The following SPAG16 variants were observed in gnomAD, a reference collection of about 807,000 sequenced individuals.
SPAG16 encodes the protein sperm associated antigen 16.
Under a neutral mutation model 80.4 loss-of-function variants are expected in SPAG16, and 86 were observed. The observed-to-expected ratio is 1.07, with a 90% CI of 0.90 to 1.28. SPAG16 has a LOEUF of 1.28. Among genes scored for constraint, SPAG16 ranks in the 50% most tolerant of loss-of-function variants. The pLI is 0.00. For missense variants in SPAG16, 870 were observed against 765.3 expected, an observed-to-expected ratio of 1.14 and a Z score of -1.61; for synonymous variants, 294 against 265.9, an observed-to-expected ratio of 1.11 and a Z score of -1.03.
chr2:213,341,070 G>A (rs73987995), intron 6 of SPAG16, among the ~76,000 whole-genome samples: 153 of 151,618 alleles, frequency 1.0e-3, no homozygotes, highest in African/African-American at 3.0e-3. Flanking sequence ...TGTTTTTTTC[G>A]TATTTCATTA....
chr2:214,377,782 C>A (rs1010085303), intron 15 of SPAG16, among the ~76,000 whole-genome samples: 1 of 152,166 alleles, frequency 6.6e-6, no homozygotes, highest in Non-Finnish European at 1.5e-5. Context: ...CCACAAAGAT[C>A]TCTCTTAGGA....
At chr2:213,410,215 T>C (rs1233245919) in intron 9 of SPAG16, among the ~76,000 whole-genome samples, 5 of 152,262 alleles carry the variant, frequency 3.3e-5, no homozygotes, top group Non-Finnish European at 7.3e-5. Context: ...TCTATTCTAT[T>C]ACTCTTTATT....
intron 15 of SPAG16, among the ~76,000 whole-genome samples, chr2:214,216,115 A>T (rs1350736752): frequency 6.6e-6 from 1 of 152,228 alleles, no homozygotes; most frequent in Non-Finnish European, 1.5e-5. Context: ...TGGTAGAATA[A>T]TGACAGAAGG....
At chr2:213,399,086 C>T (rs920752302) in intron 9 of SPAG16, among the ~76,000 whole-genome samples, 3 of 151,862 alleles carry the variant, frequency 2.0e-5, no homozygotes, top group African/African-American at 7.3e-5. Flanking sequence ...ATAGTTGTGA[C>T]TTTCATTTTT....
chr2:214,016,622 G>C (rs1343925412), intron 13 of SPAG16, among the ~76,000 whole-genome samples: 1 of 152,176 alleles, frequency 6.6e-6, no homozygotes, highest in Non-Finnish European at 1.5e-5. Context: ...GTTCAGATAG[G>C]AGACAGCATG....
intron 13 of SPAG16, among the ~76,000 whole-genome samples, chr2:214,087,342 T>C (rs183538429): frequency 7.6e-4 from 116 of 152,294 alleles, no homozygotes; most frequent in African/African-American, 2.6e-3. Flanking sequence ...CATTCAATTC[T>C]TCATTTTTTA....
intron 12 of SPAG16, among the ~76,000 whole-genome samples, chr2:213,934,678 T>C (rs2078912735): frequency 6.6e-6 from 1 of 152,216 alleles, no homozygotes. Context: ...GTTAAGTATG[T>C]CTGCATCACT....
At chr2:213,405,893 A>G (rs913566733) in intron 9 of SPAG16, among the ~76,000 whole-genome samples, 2 of 152,214 alleles carry the variant, frequency 1.3e-5, no homozygotes, top group Admixed American at 6.5e-5. Flanking sequence ...TATATGTTCT[A>G]GGGAGGATAA....
At chr2:214,362,863 T>A (rs1699265542) in intron 15 of SPAG16, among the ~76,000 whole-genome samples, 1 of 151,878 alleles carries the variant, frequency 6.6e-6, no homozygotes, top group South Asian at 2.1e-4. Flanking sequence ...AATAAAAAAA[T>A]GCCATAATAA....
At chr2:214,325,996 A>G (rs1201997965) in intron 15 of SPAG16, among the ~76,000 whole-genome samples, 1 of 152,172 alleles carries the variant, frequency 6.6e-6, no homozygotes, top group African/African-American at 2.4e-5. Flanking sequence ...ATAATATAAT[A>G]GGTATAGTGG....
intron 15 of SPAG16, among the ~76,000 whole-genome samples, chr2:214,397,992 C>G (rs1042608669): frequency 3.3e-5 from 5 of 152,144 alleles, no homozygotes; most frequent in African/African-American, 1.2e-4. Flanking sequence ...CACACCCTTC[C>G]GCCTGCCAGC....
intron 5 of SPAG16, among the ~76,000 whole-genome samples, chr2:213,331,743 T>G (rs761923576): frequency 6.6e-6 from 1 of 152,124 alleles, no homozygotes; most frequent in Admixed American, 6.5e-5. Flanking sequence ...GGAAACCATA[T>G]GAACATGTAG....
intron 10 of SPAG16, among the ~76,000 whole-genome samples, chr2:213,628,124 C>G (rs2062023845): frequency 6.6e-6 from 1 of 152,188 alleles, no homozygotes; most frequent in Admixed American, 6.5e-5. Context: ...AATTTCATCT[C>G]TCAGTGTTGT....
chr2:214,134,079 A>G (rs2054922501), intron 14 of SPAG16, among the ~76,000 whole-genome samples: 1 of 152,182 alleles, frequency 6.6e-6, no homozygotes, highest in Non-Finnish European at 1.5e-5. Flanking sequence ...AATCATGGGA[A>G]TACTCCTTTG....
intron 15 of SPAG16, among the ~76,000 whole-genome samples, chr2:214,186,767 G>GTTTTTTT (rs575851013): frequency 6.8e-6 from 1 of 147,688 alleles, no homozygotes; most frequent in African/African-American, 2.5e-5. Flanking sequence ...TTGTTTTTTT[G>GTTTTTTT]TTTTTTTTTT....
At chr2:213,361,910 T>C (rs540670265) in intron 7 of SPAG16, among the ~76,000 whole-genome samples, 51 of 152,010 alleles carry the variant, frequency 3.4e-4, no homozygotes, top group African/African-American at 1.1e-3. Flanking sequence ...ATTTCTGAAA[T>C]GGCTTGAGAG....
intron 15 of SPAG16, among the ~76,000 whole-genome samples, chr2:214,402,354 T>C (rs553174693): frequency 3.3e-4 from 50 of 152,180 alleles, no homozygotes; most frequent in African/African-American, 1.2e-3. Context: ...AATTTTCATA[T>C]TGACAACCGA....
intron 11 of SPAG16, among the ~76,000 whole-genome samples, chr2:213,896,742 C>T (rs1450594371): frequency 6.6e-6 from 1 of 151,914 alleles, no homozygotes; most frequent in Admixed American, 6.6e-5. Context: ...TTTGCAGCAA[C>T]ATGGATGGAA....
intron 8 of SPAG16, among the ~76,000 whole-genome samples, chr2:213,372,568 A>G (rs1018630363): frequency 8.5e-5 from 13 of 152,108 alleles, no homozygotes; most frequent in African/African-American, 2.7e-4. Flanking sequence ...TTATTAGACT[A>G]TATGGTCTAA....
Sources: allele counts gnomAD v4.1 joint callset (sites outside exome capture counted in the v4.1 genomes callset), GRCh38; gene constraint gnomAD v4.1.1; transcripts MANE v1.5; gene names NCBI Gene and HGNC (gene_info 2026-07-23, HGNC 2026-07-21).